BTBD8: variants seen among roughly 807,000 people sequenced by gnomAD.
The protein encoded by BTBD8 is BTB/POZ domain-containing protein 8.
BTBD8 carries 110 observed loss-of-function variants against 162.9 expected under a neutral mutation model. The observed-to-expected ratio is 0.68, with a 90% CI of 0.58 to 0.79. BTBD8 has a LOEUF of 0.79. Ranked by LOEUF, BTBD8 falls within the 30% of genes least tolerant of loss-of-function variation. The pLI, the probability that BTBD8 is intolerant of heterozygous loss-of-function variation, is 0.00. For missense variants in BTBD8, 1,905 were observed against 2,085.4 expected (o/e 0.91, Z 1.68); for synonymous variants, 667 against 716.1 (o/e 0.93, Z 1.10).
intron 3 of BTBD8, among the ~76,000 whole-genome samples, chr1:92,104,811 C>T (rs1175592530): frequency 6.6e-5 from 10 of 152,078 alleles, no homozygotes; most frequent in African/African-American, 2.4e-4. Context: ...CCTTCTTGGC[C>T]ATTTCTCAGT....
At chr1:92,157,721 A>G (rs1650192631) in intron 9 of BTBD8, among the ~76,000 whole-genome samples, 1 of 151,396 alleles carries the variant, frequency 6.6e-6, no homozygotes, top group Non-Finnish European at 1.5e-5. Flanking sequence ...TGGTCTCAAA[A>G]TCCTGGCCAC....
chr1:92,099,435 A>G (rs1277239414), intron 2 of BTBD8, among the ~76,000 whole-genome samples: 4 of 151,746 alleles, frequency 2.6e-5, no homozygotes, highest in African/African-American at 9.7e-5. Flanking sequence ...AAAAAAAAAA[A>G]GTCAGCTGGA....
At chr1:92,110,138 C>T (rs1039969822) in intron 4 of BTBD8, among the ~76,000 whole-genome samples, 1 of 152,174 alleles carries the variant, frequency 6.6e-6, no homozygotes, top group East Asian at 1.9e-4. Context: ...TACCATGATC[C>T]TCAGCCCAAT....
At chr1:92,141,257 C>A in intron 7 of BTBD8, 46 bp downstream of exon 7, 1 of 1,527,246 alleles carries the variant, frequency 6.5e-7, no homozygotes. Flanking sequence ...CATTGTCACC[C>A]ATTATTACCT....
intron 13 of BTBD8, among the ~76,000 whole-genome samples, chr1:92,175,637 T>C (rs1376869714): frequency 1.3e-5 from 2 of 148,680 alleles, no homozygotes; most frequent in Admixed American, 6.7e-5. Flanking sequence ...TCTACTAAAA[T>C]ACAAAAAAAT....
At chr1:92,114,504 C>G (rs968549017) in intron 4 of BTBD8, among the ~76,000 whole-genome samples, 2 of 152,038 alleles carry the variant, frequency 1.3e-5, no homozygotes, top group Non-Finnish European at 2.9e-5. Context: ...GTGCTTGCTT[C>G]GGCAGCACAC....
At chr1:92,109,443 TC>T (rs1648831844) in intron 4 of BTBD8, among the ~76,000 whole-genome samples, 1 of 152,160 alleles carries the variant, frequency 6.6e-6, no homozygotes, top group African/African-American at 2.4e-5. Flanking sequence ...ATTTGGCCTC[TC>T]CCTGTGTGCT....
intron 4 of BTBD8, among the ~76,000 whole-genome samples, chr1:92,120,890 G>A (rs781407020): frequency 1.3e-5 from 2 of 152,120 alleles, no homozygotes; most frequent in Non-Finnish European, 2.9e-5. Context: ...AGCCTCCCAA[G>A]TAACTGGGAT....
At position 92,102,611 on chromosome 1, in the gene BTBD8, T is replaced by C. The variant is rs1300431570; in HGVS notation, c.486T>C (p.Leu162=). ...PKCENSSDCS[L]QKHEIPEDIS... Reference sequence around the variant, plus strand: ...GTGAAAACTCATCTGATTGTTCTCTTCAGAAGCATGAAATTCCAGAGGATA... The same window carrying C: ...GTGAAAACTCATCTGATTGTTCTCTCCAGAAGCATGAAATTCCAGAGGATA... The change falls in exon 3 of 18, where the codon CTT becomes CTC. Residue 162 remains leucine (L), a synonymous_variant. Transcript: ENST00000636805. 5 of 1,574,958 alleles carry C rather than the reference T, an allele frequency of 3.2e-6. No homozygotes were observed. In the East Asian group the frequency reaches 9.2e-5, roughly 29 times the overall value.
chr1:92,108,003 TAAA>T lies in BTBD8; in HGVS notation c.662+3_662+5del. On this transcript the variant is annotated splice_donor_5th_base_variant and intron_variant, in intron 4 of 17. Coordinates refer to ENST00000636805, the MANE Select transcript of BTBD8 (RefSeq NM_001376131.1). ...TGGAAAACGTTTTAAAGCTCACAGG[TAAA>T]TAGACACGACTGATTTGCTGTCTTG... 6.2e-7 allele frequency: 1 copy of T among 1,606,022 alleles called. No individual in the cohort carries two copies. Among genetic ancestry groups the T allele is most frequent in the Non-Finnish European group, 8.5e-7 (1 of 1,172,758 alleles).
intron 2 of BTBD8, 21 bp downstream of exon 2, chr1:92,088,916 T>C (rs750115410): frequency 4.2e-5 from 65 of 1,563,964 alleles, no homozygotes; most frequent in Admixed American, 1.1e-4. Flanking sequence ...TCTTTATCCA[T>C]GTAAGTCTAA....
chr1:92,117,027 T>G (rs1649058443), intron 4 of BTBD8, among the ~76,000 whole-genome samples: 1 of 151,828 alleles, frequency 6.6e-6, no homozygotes, highest in Admixed American at 6.6e-5. Context: ...TTAAAAAATT[T>G]TTTGTAGAGA....
intron 2 of BTBD8, among the ~76,000 whole-genome samples, chr1:92,093,364 G>A (rs183156977): frequency 6.6e-6 from 1 of 151,878 alleles, no homozygotes; most frequent in Admixed American, 6.6e-5. Context: ...GGCTAATTTT[G>A]TATTTTTAGT....
chr1:92,121,711 G>A (rs77857021), intron 4 of BTBD8, among the ~76,000 whole-genome samples: 1 of 152,078 alleles, frequency 6.6e-6, no homozygotes, highest in Non-Finnish European at 1.5e-5. Context: ...AAGTCCCCTT[G>A]TACCCATTTA....
chr1:92,176,975 T>G lies in BTBD8; in HGVS notation c.1782T>G (p.Asn594Lys), dbSNP rs1167326953. The G allele has an allele frequency of 6.5e-7, 1 of 1,547,462 alleles. No homozygotes were observed. Among genetic ancestry groups the G allele is most frequent in the African/African-American group, 1.4e-5 (1 of 72,594 alleles). ...CATCTGGACATTCGTCAAGTACCAA[T>G]AGAAATAGTATAAATAAAACTCTGA... Reference protein sequence around the residue: ...LGASGHSSSTNRNSINKTLKQ... With the variant: ...LGASGHSSSTKRNSINKTLKQ... Residue 594 changes from asparagine (N) to lysine (K), a missense_variant, in exon 14 of 18, where the codon AAT (asparagine) becomes AAG (lysine). Asn to Lys is a moderately conservative substitution (Grantham distance 94, BLOSUM62 0). Transcript: ENST00000636805.
rs1650559690 is a variant in BTBD8 at position 92,172,001 on chromosome 1, G to A, written c.1635+541G>A. 2.0e-5 allele frequency among the ~76,000 whole-genome samples: 3 copies of A among 152,158 alleles called. No individual in the cohort carries two copies. In the South Asian group the frequency reaches 6.2e-4, roughly 31 times the overall value. On this transcript the variant is annotated intron_variant, in intron 13 of 17. Transcript: ENST00000636805. ...AGCTACTCGGGAGGCTGAGGGAGGAGAATTGCTTGTACCCGGGAGGCAGAG... is the reference window on the plus strand; with the variant it reads ...AGCTACTCGGGAGGCTGAGGGAGGAAAATTGCTTGTACCCGGGAGGCAGAG...
intron 9 of BTBD8, among the ~76,000 whole-genome samples, chr1:92,151,655 A>G (rs1339349303): frequency 1.3e-5 from 2 of 152,160 alleles, no homozygotes; most frequent in African/African-American, 4.8e-5. Context: ...TGAACAATGT[A>G]CACTGCACCC....
intron 1 of BTBD8, among the ~76,000 whole-genome samples, chr1:92,084,490 C>T (rs537553779): frequency 5.6e-4 from 85 of 152,162 alleles, no homozygotes; most frequent in Admixed American, 2.6e-3. Flanking sequence ...GGATTGAAGC[C>T]CTGGGTTAGG....
chr1:92,089,535 T>G (rs1648243672), intron 2 of BTBD8, among the ~76,000 whole-genome samples: 1 of 152,174 alleles, frequency 6.6e-6, no homozygotes, highest in African/African-American at 2.4e-5. Flanking sequence ...ACAATAGAAA[T>G]GTATTGATCA....
Sources: allele counts gnomAD v4.1 joint callset (sites outside exome capture counted in the v4.1 genomes callset), GRCh38; gene constraint gnomAD v4.1.1; transcripts MANE v1.5; gene names NCBI Gene and HGNC (gene_info 2026-07-23, HGNC 2026-07-21).